TAOK1: variants seen among roughly 807,000 people sequenced by gnomAD.
TAOK1 encodes the protein TAO kinase 1.
Under a neutral mutation model 138.3 loss-of-function variants are expected in TAOK1, and 21 were observed. The ratio of observed to expected loss-of-function variants is 0.15; its 90% confidence interval spans 0.11 to 0.22. TAOK1 has a LOEUF of 0.22. TAOK1 is among the 10% of genes least tolerant of loss of function. TAOK1 has a pLI of 1.00. For synonymous variants in TAOK1, 361 were observed against 398.4 expected, an observed-to-expected ratio of 0.91 and a Z score of 1.12; for missense variants, 651 against 1,227.7, an observed-to-expected ratio of 0.53 and a Z score of 7.02.
At position 29,493,430 on chromosome 17, in the gene TAOK1, G is replaced by C. The variant is rs546578020; in HGVS notation, c.831+1565G>C. Reference sequence around the variant, plus strand: ...AATCGCTTGAACCCAGGAGGCAGAGGTTGTGGTGAGCTGAGATCGCACCAT... The same window carrying C: ...AATCGCTTGAACCCAGGAGGCAGAGCTTGTGGTGAGCTGAGATCGCACCAT... On this transcript the variant is annotated intron_variant, in intron 10 of 19. Coordinates refer to ENST00000261716, the MANE Select transcript of TAOK1 (RefSeq NM_020791.4). Among the ~76,000 whole-genome samples, 9 of 151,818 alleles carry C rather than the reference G, an allele frequency of 5.9e-5. No individual in the cohort carries two copies. The South Asian group carries it at 1.9e-3, about 32-fold the overall frequency.
intron 1 of TAOK1, 79 bp from the exon 2 acceptor site, chr17:29,451,376 T>TA (rs1472604102): frequency 1.8e-6 from 1 of 557,368 alleles, no homozygotes; most frequent in African/African-American, 1.9e-5. Context: ...GATAAATTTG[T>TA]AGATCAGTAT....
At chr17:29,419,073 A>G (rs1905348516) in intron 1 of TAOK1, among the ~76,000 whole-genome samples, 1 of 151,878 alleles carries the variant, frequency 6.6e-6, no homozygotes, top group South Asian at 2.1e-4. Context: ...CTCCCAGTCT[A>G]TGAATTTAGT....
chr17:29,409,331 ATATT>A (rs544448144), intron 1 of TAOK1, among the ~76,000 whole-genome samples: 1,050 of 59,878 alleles, frequency 0.018, 1 homozygote, highest in East Asian at 0.089. Flanking sequence ...ATATATATAT[ATATT>A]TTTTTTTTTT....
intron 2 of TAOK1, among the ~76,000 whole-genome samples, chr17:29,454,646 T>G (rs2030329113): frequency 6.6e-6 from 1 of 152,190 alleles, no homozygotes; most frequent in South Asian, 2.1e-4. Context: ...TTATTTTGCA[T>G]TTAGTTGCAA....
rs2032459868 is a variant in TAOK1, at chr17:29,549,741, AT to A, written c.*6720del. Reference sequence around the variant, plus strand: ...TCCTTTGTCATAGACAAGTTTATATATAACTTACCAAGATGTTGGCTGTCCT... The same window carrying A: ...TCCTTTGTCATAGACAAGTTTATATAAACTTACCAAGATGTTGGCTGTCCT... On this transcript the variant is annotated 3_prime_UTR_variant, in exon 20 of 20. Coordinates refer to ENST00000261716, the MANE Select transcript of TAOK1 (RefSeq NM_020791.4). The A allele has an allele frequency of 6.6e-6, 1 of 152,162 alleles. No individual in the cohort carries two copies. Among genetic ancestry groups the A allele is most frequent in the Non-Finnish European group, 1.5e-5 (1 of 68,032 alleles). 9.4% of individuals were successfully genotyped at this position (152,162 alleles called of 1,614,324 possible).
At chr17:29,480,250 G>A in intron 6 of TAOK1, 118 bp from the exon 7 acceptor site, 1 of 623,022 alleles carries the variant, frequency 1.6e-6, no homozygotes, top group Non-Finnish European at 2.6e-6. Context: ...GATTACCCCA[G>A]CACTTAATTA....
intron 8 of TAOK1, among the ~76,000 whole-genome samples, chr17:29,485,292 G>T (rs1295304973): frequency 6.6e-6 from 1 of 151,940 alleles, no homozygotes; most frequent in African/African-American, 2.4e-5. Flanking sequence ...TATGTTTAGG[G>T]TATAAAATTA....
chr17:29,423,188 G>T (rs188465825), intron 1 of TAOK1, among the ~76,000 whole-genome samples: 1 of 127,278 alleles, frequency 7.9e-6, no homozygotes, highest in Admixed American at 8.3e-5. Context: ...TCTTAATCTG[G>T]ATGCTTATAT....
intron 1 of TAOK1, among the ~76,000 whole-genome samples, chr17:29,409,326 TATATA>T (rs1465471595): frequency 9.4e-5 from 7 of 74,660 alleles, no homozygotes; most frequent in Admixed American, 1.5e-4. Context: ...TATATATATA[TATATA>T]TATTTTTTTT....
At chr17:29,534,557 C>G (rs1203273517) in intron 19 of TAOK1, among the ~76,000 whole-genome samples, 1 of 152,188 alleles carries the variant, frequency 6.6e-6, no homozygotes, top group East Asian at 1.9e-4. Context: ...TGTGTGAAGA[C>G]AGTCAGCTGA....
rs1397975210 is a variant in TAOK1, at chr17:29,455,812, TAAATC to T, written c.132+4136_132+4140del. Among the ~76,000 whole-genome samples the T allele has an allele frequency of 2.7e-5, 4 of 150,406 alleles. 1 individual carries two copies. The highest frequency in any genetic ancestry group is 2.5e-5 in the African/African-American group (1 of 39,722). ...TTAAATCACCCTTACATGTCTGTGA[TAAATC>T]AAACTTCATCACGGTTTGTAATTCT... On this transcript the variant is annotated intron_variant, in intron 2 of 19. Transcript: ENST00000261716.
chr17:29,491,102 G>C (rs2031287612), intron 9 of TAOK1, among the ~76,000 whole-genome samples: 1 of 152,150 alleles, frequency 6.6e-6, no homozygotes, highest in Admixed American at 6.5e-5. Flanking sequence ...CACTGTGTTT[G>C]AGACTTGGAG....
intron 13 of TAOK1, among the ~76,000 whole-genome samples, chr17:29,505,772 A>G (rs1598512530): frequency 6.6e-6 from 1 of 152,230 alleles, no homozygotes; most frequent in East Asian, 1.9e-4. Flanking sequence ...TGTCTCTACT[A>G]AAAATACAAA....
intron 1 of TAOK1, among the ~76,000 whole-genome samples, chr17:29,443,596 G>T (rs1419984970): frequency 6.6e-6 from 1 of 152,112 alleles, no homozygotes; most frequent in East Asian, 1.9e-4. Flanking sequence ...GTCTACTTTT[G>T]TGGAACCAGG....
intron 9 of TAOK1, among the ~76,000 whole-genome samples, chr17:29,491,522 T>C (rs1400408217): frequency 6.6e-6 from 1 of 152,122 alleles, no homozygotes; most frequent in East Asian, 1.9e-4. Context: ...TGCCTCGATA[T>C]AGTAATATGA....
At chr17:29,434,628 A>C (rs536350895) in intron 1 of TAOK1, among the ~76,000 whole-genome samples, 2 of 152,192 alleles carry the variant, frequency 1.3e-5, no homozygotes, top group African/African-American at 4.8e-5. Context: ...TGTCTCACCT[A>C]TGTCTGTTTC....
chr17:29,410,803 C>T (rs7211006), intron 1 of TAOK1, among the ~76,000 whole-genome samples: 97,130 of 149,900 alleles, frequency 0.65, 33,172 homozygotes, highest in East Asian at 0.97. Flanking sequence ...GCCTGGCTAA[C>T]GTATTTTTTT....
At chr17:29,473,776 G>A (rs1172449296) in intron 3 of TAOK1, among the ~76,000 whole-genome samples, 1 of 151,538 alleles carries the variant, frequency 6.6e-6, no homozygotes, top group Admixed American at 6.6e-5. Context: ...GCCCAGGCTA[G>A]AGTGCAGTGG....
intron 16 of TAOK1, among the ~76,000 whole-genome samples, chr17:29,521,115 C>T (rs1386854506): frequency 6.6e-6 from 1 of 151,926 alleles, no homozygotes; most frequent in African/African-American, 2.4e-5. Context: ...GTGCCTAAAA[C>T]ATATATTGTT....
Sources: gnomAD v4.1 joint callset for allele counts (sites outside exome capture counted in the v4.1 genomes callset) on GRCh38, gnomAD v4.1.1 for gene constraint, MANE v1.5 for transcripts, NCBI Gene and HGNC (gene_info 2026-07-23, HGNC 2026-07-21) for gene names.